Variants in PAK5 observed in about 807,000 individuals in gnomAD.
PAK5 encodes p21 (RAC1) activated kinase 5.
In PAK5, 16 loss-of-function variants were observed where a neutral mutation model predicts 65.9. That is an observed-to-expected ratio of 0.24 (90% CI 0.16 to 0.37). PAK5 has a LOEUF of 0.37. PAK5 is among the 10% of genes least tolerant of loss of function. PAK5 has a pLI of 1.00. For missense variants in PAK5, 785 were observed against 903.9 expected, an observed-to-expected ratio of 0.87 and a Z score of 1.69; for synonymous variants, 371 against 354.9, an observed-to-expected ratio of 1.05 and a Z score of -0.51.
At chr20:9,550,636 T>C (rs930256764) in intron 7 of PAK5, among the ~76,000 whole-genome samples, 7 of 152,236 alleles carry the variant, frequency 4.6e-5, no homozygotes, top group African/African-American at 1.4e-4. Flanking sequence ...ATTTAATGCA[T>C]TGAATTAAAA....
At chr20:9,617,756 C>T (rs1296568282) in intron 3 of PAK5, among the ~76,000 whole-genome samples, 2 of 151,768 alleles carry the variant, frequency 1.3e-5, no homozygotes, top group Admixed American at 6.6e-5. Context: ...GGGGTTTCAC[C>T]GTGTTAGCCA....
At chr20:9,677,192 C>A (rs1600230609) in intron 2 of PAK5, among the ~76,000 whole-genome samples, 1 of 151,982 alleles carries the variant, frequency 6.6e-6, no homozygotes, top group Non-Finnish European at 1.5e-5. Flanking sequence ...ATGTATTCAG[C>A]TTTAATATGA....
intron 1 of PAK5, among the ~76,000 whole-genome samples, chr20:9,745,670 G>A (rs962868140): frequency 2.0e-5 from 3 of 152,094 alleles, no homozygotes; most frequent in African/African-American, 7.2e-5. Flanking sequence ...GCAGGTTCTA[G>A]CTTTGTAGGT....
intron 1 of PAK5, among the ~76,000 whole-genome samples, chr20:9,740,110 G>A (rs907227897): frequency 5.3e-5 from 8 of 152,122 alleles, no homozygotes; most frequent in Non-Finnish European, 8.8e-5. Context: ...AATTAAAAGC[G>A]TTCTTTGGTG....
At chr20:9,807,754 CA>C (rs2049249971) in intron 1 of PAK5, among the ~76,000 whole-genome samples, 1 of 58,438 alleles carries the variant, frequency 1.7e-5, no homozygotes, top group African/African-American at 6.3e-5. Context: ...TCCCTTCCAG[CA>C]AAAAATAAAT....
At position 9,669,577 on chromosome 20, in the gene PAK5, A is replaced by G. The variant is rs375682197; in HGVS notation, c.-11-25238T>C. On this transcript the variant is annotated intron_variant, in intron 2 of 9. Coordinates refer to ENST00000353224, the MANE Select transcript of PAK5 (RefSeq NM_177990.4). ...TTGTTTTTCTCAAGAAAAAGAGAGA[A>G]GAGCTTTATCTATCATCATCTAGGC... 3.0e-4 allele frequency among the ~76,000 whole-genome samples: 45 copies of G among 152,216 alleles called. No individual in the cohort carries two copies. In the East Asian group the frequency reaches 8.7e-3, roughly 29 times the overall value.
chr20:9,813,690 G>A (rs543658687), intron 1 of PAK5, among the ~76,000 whole-genome samples: 101 of 152,090 alleles, frequency 6.6e-4, no homozygotes, highest in Admixed American at 1.8e-3. Flanking sequence ...AAAACCTCAC[G>A]GATGAATCTT....
chr20:9,785,463 G>A (rs1297730434), intron 1 of PAK5, among the ~76,000 whole-genome samples: 1 of 152,138 alleles, frequency 6.6e-6, no homozygotes, highest in Non-Finnish European at 1.5e-5. Context: ...CAGCACATCT[G>A]TTTTGCCAAC....
intron 3 of PAK5, among the ~76,000 whole-genome samples, chr20:9,581,897 A>G (rs2045986242): frequency 6.6e-6 from 1 of 152,224 alleles, no homozygotes; most frequent in African/African-American, 2.4e-5. Flanking sequence ...AGTAGCAAGG[A>G]GTTCAAAACT....
intron 3 of PAK5, among the ~76,000 whole-genome samples, chr20:9,620,964 AG>A (rs1368006443): frequency 6.9e-6 from 1 of 144,532 alleles, no homozygotes; most frequent in Non-Finnish European, 1.5e-5. Context: ...AGAGAAAGAG[AG>A]AGAGAGAGAG....
At chr20:9,811,391 G>C (rs2049296594) in intron 1 of PAK5, among the ~76,000 whole-genome samples, 1 of 151,962 alleles carries the variant, frequency 6.6e-6, no homozygotes. Flanking sequence ...AGAATTCAGG[G>C]GTAAAAAAGA....
At chr20:9,739,958 C>G (rs972504984) in intron 1 of PAK5, among the ~76,000 whole-genome samples, 3 of 152,146 alleles carry the variant, frequency 2.0e-5, no homozygotes, top group Admixed American at 1.3e-4. Context: ...TTCTGTCTAG[C>G]TTTTCATGCT....
chr20:9,726,359 G>A (rs2048277469), intron 1 of PAK5, among the ~76,000 whole-genome samples: 1 of 152,026 alleles, frequency 6.6e-6, no homozygotes, highest in African/African-American at 2.4e-5. Flanking sequence ...TATATATAAA[G>A]GACAATCACA....
At chr20:9,650,160 G>A (rs1241666646) in intron 2 of PAK5, among the ~76,000 whole-genome samples, 2 of 152,194 alleles carry the variant, frequency 1.3e-5, no homozygotes, top group African/African-American at 4.8e-5. Flanking sequence ...TCAATGAGAA[G>A]GTATTAGAAG....
chr20:9,622,040 A>G (rs1196883536), intron 3 of PAK5, among the ~76,000 whole-genome samples: 1 of 152,188 alleles, frequency 6.6e-6, no homozygotes, highest in Non-Finnish European at 1.5e-5. Flanking sequence ...AAGAATCCCC[A>G]TCTGAGGTTC....
rs532927742 is a variant in PAK5, at chr20:9,603,591, C to T, written c.205-22661G>A. On this transcript the variant is annotated intron_variant, in intron 3 of 9. Coordinates refer to ENST00000353224, the MANE Select transcript of PAK5 (RefSeq NM_177990.4). ...TGATGAGCTAATACCCCAACTGGTA[C>T]GTTAGTTAAGCAAAACTGTGTACAT... Among the ~76,000 whole-genome samples, 12 of 152,264 alleles carry T rather than the reference C, an allele frequency of 7.9e-5. No homozygotes were observed. In the South Asian group the frequency reaches 1.0e-3, roughly 13 times the overall value.
intron 2 of PAK5, among the ~76,000 whole-genome samples, chr20:9,695,873 C>CATGTTTAGA (rs2047862390): frequency 6.6e-6 from 1 of 151,810 alleles, no homozygotes; most frequent in South Asian, 2.1e-4. Flanking sequence ...TCAGCATATA[C>CATGTTTAGA]ATGTTTAGAA....
chr20:9,589,747 T>C lies in PAK5; in HGVS notation c.205-8817A>G, dbSNP rs201778612. 6.6e-5 allele frequency among the ~76,000 whole-genome samples: 10 copies of C among 152,284 alleles called. No individual in the cohort carries two copies. In the East Asian group the frequency reaches 1.9e-3, roughly 29 times the overall value. On this transcript the variant is annotated intron_variant, in intron 3 of 9. Coordinates refer to ENST00000353224, the MANE Select transcript of PAK5 (RefSeq NM_177990.4). Reference sequence around the variant, plus strand: ...GTGCAATGGTGTGATCTCTGTTCACTGCAACCTCTGCCTCCCGGGTTCAAG... The same window carrying C: ...GTGCAATGGTGTGATCTCTGTTCACCGCAACCTCTGCCTCCCGGGTTCAAG...
intron 4 of PAK5, among the ~76,000 whole-genome samples, chr20:9,568,612 T>C (rs1194933297): frequency 2.0e-5 from 3 of 152,212 alleles, no homozygotes; most frequent in African/African-American, 7.2e-5. Context: ...CAAGTTCCTT[T>C]GCTTTCTTAC....
Sources: allele counts gnomAD v4.1 joint callset (sites outside exome capture counted in the v4.1 genomes callset), GRCh38; gene constraint gnomAD v4.1.1; transcripts MANE v1.5; gene names NCBI Gene and HGNC (gene_info 2026-07-23, HGNC 2026-07-21).